Variants in CHST11 observed in about 807,000 individuals in gnomAD.
The protein encoded by CHST11 is carbohydrate sulfotransferase 11.
In CHST11, 9 loss-of-function variants were observed where a neutral mutation model predicts 30.4. The observed-to-expected ratio is 0.30, with a 90% CI of 0.18 to 0.52. The LOEUF is 0.52. Ranked by LOEUF, CHST11 falls within the 20% of genes least tolerant of loss-of-function variation. The probability of loss-of-function intolerance (pLI) is 0.97; values close to 1 mark genes in which losing one functional copy is unlikely to be tolerated. For missense variants in CHST11, 348 were observed against 460.6 expected (o/e 0.76, Z 2.24); for synonymous variants, 152 against 187.8 (o/e 0.81, Z 1.56).
chr12:104,614,113 C>T (rs11112136), intron 2 of CHST11, among the ~76,000 whole-genome samples: 103,843 of 152,100 alleles, frequency 0.68, 36,136 homozygotes, highest in East Asian at 0.91. Context: ...GTGGTCATCA[C>T]TTTCACTATC....
intron 2 of CHST11, among the ~76,000 whole-genome samples, chr12:104,672,646 C>G (rs116832185): frequency 0.014 from 2,181 of 152,292 alleles, 45 homozygotes; most frequent in African/African-American, 0.049. Context: ...CCCAATGGGG[C>G]AAGATTACTC....
chr12:104,582,666 T>C (rs1273939491), intron 1 of CHST11, among the ~76,000 whole-genome samples: 1 of 149,068 alleles, frequency 6.7e-6, no homozygotes, highest in East Asian at 2.0e-4. Flanking sequence ...GGATCTGTCA[T>C]TTATTAACTG....
At chr12:104,611,682 T>C (rs1401586936) in intron 2 of CHST11, among the ~76,000 whole-genome samples, 1 of 152,170 alleles carries the variant, frequency 6.6e-6, no homozygotes, top group Admixed American at 6.5e-5. Context: ...GGGTGGACGG[T>C]TTCCTGGGAC....
intron 1 of CHST11, among the ~76,000 whole-genome samples, chr12:104,516,070 A>G (rs939464653): frequency 2.0e-5 from 3 of 152,254 alleles, no homozygotes; most frequent in Non-Finnish European, 2.9e-5. Context: ...TTCCAGGCAG[A>G]TAAGAGTTGA....
At chr12:104,490,600 A>AAG (rs765308386) in intron 1 of CHST11, among the ~76,000 whole-genome samples, 13 of 152,310 alleles carry the variant, frequency 8.5e-5, no homozygotes, top group Non-Finnish European at 1.8e-4. Flanking sequence ...CAACAAAAGC[A>AAG]AGAGAGAGAG....
intron 2 of CHST11, among the ~76,000 whole-genome samples, chr12:104,623,822 A>T (rs1183113898): frequency 6.6e-6 from 1 of 152,140 alleles, no homozygotes; most frequent in African/African-American, 2.4e-5. Context: ...GGGTTATTTA[A>T]TTTCAATCAC....
chr12:104,694,666 G>C (rs78756930), intron 2 of CHST11, among the ~76,000 whole-genome samples: 2,695 of 152,260 alleles, frequency 0.018, 65 homozygotes, highest in African/African-American at 0.058. Flanking sequence ...AGTGAAGCAG[G>C]AACGAGGCAG....
chr12:104,609,696 C>T (rs2136052321), intron 2 of CHST11, among the ~76,000 whole-genome samples: 1 of 152,282 alleles, frequency 6.6e-6, no homozygotes, highest in East Asian at 1.9e-4. Context: ...ACCAGTCTTG[C>T]AGGTTTGTGA....
intron 2 of CHST11, among the ~76,000 whole-genome samples, chr12:104,634,330 G>A (rs1360476179): frequency 6.6e-6 from 1 of 152,116 alleles, no homozygotes; most frequent in Non-Finnish European, 1.5e-5. Flanking sequence ...GGCTCTCTGA[G>A]GTAGCTGCAT....
chr12:104,488,419 GTC>G (rs2037706227), intron 1 of CHST11, among the ~76,000 whole-genome samples: 1 of 150,642 alleles, frequency 6.6e-6, no homozygotes, highest in Non-Finnish European at 1.5e-5. Context: ...ATGTGTATGT[GTC>G]TATGTATGTG....
intron 2 of CHST11, among the ~76,000 whole-genome samples, chr12:104,634,037 A>G (rs532054474): frequency 6.6e-6 from 1 of 152,184 alleles, no homozygotes; most frequent in South Asian, 2.1e-4. Context: ...TTTTTTCAGT[A>G]CTTACTATGC....
chr12:104,675,781 A>T (rs1055181779), intron 2 of CHST11, among the ~76,000 whole-genome samples: 2 of 152,362 alleles, frequency 1.3e-5, no homozygotes, highest in Middle Eastern at 6.8e-3. Flanking sequence ...TGATACATAC[A>T]TGCAAAAAGT....
chr12:104,538,389 A>G (rs1018284629), intron 1 of CHST11, among the ~76,000 whole-genome samples: 1 of 152,182 alleles, frequency 6.6e-6, no homozygotes, highest in Non-Finnish European at 1.5e-5. Context: ...CCCTCTCAAC[A>G]TGAGTTATCA....
At chr12:104,624,113 G>T (rs1193799929) in intron 2 of CHST11, among the ~76,000 whole-genome samples, 1 of 152,170 alleles carries the variant, frequency 6.6e-6, no homozygotes, top group Admixed American at 6.5e-5. Context: ...GGCTGCTGAA[G>T]AAAAGCATTT....
chr12:104,680,077 C>T (rs2039779996), intron 2 of CHST11, among the ~76,000 whole-genome samples: 1 of 152,274 alleles, frequency 6.6e-6, no homozygotes, highest in African/African-American at 2.4e-5. Flanking sequence ...AACTGGACTC[C>T]TGCTGTGTGC....
intron 2 of CHST11, among the ~76,000 whole-genome samples, chr12:104,720,652 C>T (rs1214300491): frequency 2.0e-5 from 3 of 152,082 alleles, no homozygotes; most frequent in Admixed American, 2.0e-4. Flanking sequence ...AACCCACAGA[C>T]GTTTGGCCTT....
intron 2 of CHST11, among the ~76,000 whole-genome samples, chr12:104,652,146 G>A (rs968198358): frequency 1.3e-5 from 2 of 152,102 alleles, no homozygotes; most frequent in African/African-American, 2.4e-5. Flanking sequence ...CCCACCCCCA[G>A]CTCTTAGAGA....
At chr12:104,682,441 ACAG>A (rs1415104908) in intron 2 of CHST11, among the ~76,000 whole-genome samples, 1 of 152,240 alleles carries the variant, frequency 6.6e-6, no homozygotes, top group Non-Finnish European at 1.5e-5. Flanking sequence ...GCCTGAAGAA[ACAG>A]CAGCAGCATT....
intron 2 of CHST11, among the ~76,000 whole-genome samples, chr12:104,670,790 TCA>T (rs10655174): frequency 6.8e-6 from 1 of 146,812 alleles, no homozygotes; most frequent in Non-Finnish European, 1.5e-5. Context: ...ACATACACTC[TCA>T]CACACACCCC....
Sources: allele counts gnomAD v4.1 joint callset (sites outside exome capture counted in the v4.1 genomes callset), GRCh38; gene constraint gnomAD v4.1.1; transcripts MANE v1.5; gene names NCBI Gene and HGNC (gene_info 2026-07-23, HGNC 2026-07-21).